The following PARN variants were observed in gnomAD, a reference collection of about 807,000 sequenced individuals.
PARN encodes the protein poly(A)-specific ribonuclease.
PARN carries 71 observed loss-of-function variants against 102.8 expected under a neutral mutation model. The ratio of observed to expected loss-of-function variants is 0.69; its 90% confidence interval spans 0.57 to 0.84. The LOEUF (loss-of-function observed/expected upper bound fraction) is 0.84. Ranked by LOEUF, PARN falls within the 40% of genes least tolerant of loss-of-function variation. The probability of loss-of-function intolerance (pLI) is 0.00; values close to 1 mark genes in which losing one functional copy is unlikely to be tolerated. For missense variants in PARN, 782 were observed against 760.9 expected, an observed-to-expected ratio of 1.03 and a Z score of -0.33; for synonymous variants, 261 against 252.9, an observed-to-expected ratio of 1.03 and a Z score of -0.30.
chr16:14,502,459 A>G (rs1052921885), intron 21 of PARN, among the ~76,000 whole-genome samples: 1 of 152,248 alleles, frequency 6.6e-6, no homozygotes, highest in African/African-American at 2.4e-5. Context: ...TATAACCAGC[A>G]GGAAGCTTGC....
At chr16:14,624,623 A>G (rs1470051570) in intron 5 of PARN, among the ~76,000 whole-genome samples, 1 of 152,242 alleles carries the variant, frequency 6.6e-6, no homozygotes, top group African/African-American at 2.4e-5. Flanking sequence ...GGTTGTTTAG[A>G]ACAGAGTGCC....
chr16:14,602,427 C>T (rs1282401358), intron 11 of PARN, among the ~76,000 whole-genome samples: 1 of 152,150 alleles, frequency 6.6e-6, no homozygotes, highest in African/African-American at 2.4e-5. Flanking sequence ...TCACCCCTCT[C>T]CTGTGCTCAA....
rs943003147 is a variant in PARN at position 14,630,090 on chromosome 16, G to A, written c.19+17C>T. 4.5e-6 allele frequency: 7 copies of A among 1,556,062 alleles called. No homozygotes were observed. In the Admixed American group the frequency reaches 1.3e-4, roughly 30 times the overall value. On this transcript the variant is annotated intron_variant, in intron 1 of 23. Coordinates refer to ENST00000437198, the MANE Select transcript of PARN (RefSeq NM_002582.4). ...GCCGGGTGTGGGGAGGCGGGGAGGT[G>A]TACGGCGGACACGCACTGCTCCTGA... is the stretch of plus-strand genomic sequence containing the variant.
chr16:14,482,814 G>A lies in PARN; in HGVS notation c.1494C>T (p.Ser498=). 1 of 1,609,696 alleles carries A rather than the reference G, an allele frequency of 6.2e-7. No individual in the cohort carries two copies. ...GGATCCGATAGCTTTCTGCATATTT[G>A]CTGGTATTGACAGCTACAAGGAAAA... ...PEQVKIAVNT[S]KYAESYRIQT... is the part of the protein sequence containing the mutation. Residue 498 remains serine, a synonymous_variant, in exon 22 of 24, where the codon AGC becomes AGT. Coordinates refer to ENST00000437198, the MANE Select transcript of PARN (RefSeq NM_002582.4).
chr16:14,494,968 A>G (rs561119456), intron 21 of PARN, among the ~76,000 whole-genome samples: 1 of 152,242 alleles, frequency 6.6e-6, no homozygotes, highest in East Asian at 1.9e-4. Flanking sequence ...ATGGGCAGAG[A>G]GAATACATTT....
intron 22 of PARN, among the ~76,000 whole-genome samples, chr16:14,479,462 T>C (rs1963260286): frequency 6.7e-6 from 1 of 149,006 alleles, no homozygotes; most frequent in Admixed American, 6.7e-5. Context: ...TAACATAAAA[T>C]ATACAAGATC....
At chr16:14,471,996 C>G (rs1382503323) in intron 22 of PARN, among the ~76,000 whole-genome samples, 1 of 152,174 alleles carries the variant, frequency 6.6e-6, no homozygotes, top group East Asian at 1.9e-4. Context: ...TTATGTGATG[C>G]TACTCTCAGG....
intron 21 of PARN, among the ~76,000 whole-genome samples, chr16:14,533,588 C>T (rs1012006875): frequency 3.9e-5 from 6 of 152,172 alleles, no homozygotes; most frequent in Non-Finnish European, 7.3e-5. Flanking sequence ...CACGTGCCCT[C>T]TGTTTCAGTC....
intron 18 of PARN, among the ~76,000 whole-genome samples, chr16:14,568,263 G>A (rs1463745958): frequency 2.0e-5 from 3 of 147,346 alleles, no homozygotes; most frequent in South Asian, 2.2e-4. Context: ...CCCAGGCTGC[G>A]GTGCAGTGGC....
chr16:14,585,885 G>A (rs1203731822), intron 14 of PARN, among the ~76,000 whole-genome samples: 5 of 151,796 alleles, frequency 3.3e-5, no homozygotes, highest in Non-Finnish European at 7.4e-5. Flanking sequence ...CACAACATTG[G>A]AGACATTAAA....
intron 14 of PARN, among the ~76,000 whole-genome samples, chr16:14,585,064 G>C (rs1223462651): frequency 6.6e-6 from 1 of 152,170 alleles, no homozygotes; most frequent in Non-Finnish European, 1.5e-5. Context: ...CACACTTGGA[G>C]TACAAGTTCT....
At chr16:14,494,114 C>T (rs943686791) in intron 21 of PARN, among the ~76,000 whole-genome samples, 2 of 152,190 alleles carry the variant, frequency 1.3e-5, no homozygotes, top group African/African-American at 4.8e-5. Context: ...CTCATACCCA[C>T]ACGTTCTGCA....
intron 16 of PARN, among the ~76,000 whole-genome samples, chr16:14,583,447 G>A (rs1323604905): frequency 1.3e-5 from 2 of 152,048 alleles, no homozygotes; most frequent in Non-Finnish European, 2.9e-5. Flanking sequence ...TTAAAAAAAA[G>A]CCTTTTAACA....
At chr16:14,606,345 C>G (rs990720638) in intron 10 of PARN, 139 bp downstream of exon 10, 1 of 460,398 alleles carries the variant, frequency 2.2e-6, no homozygotes, top group Non-Finnish European at 3.9e-6. Flanking sequence ...CTGCAGTGAG[C>G]CGTGACTAAC....
chr16:14,494,487 G>A (rs1012790351), intron 21 of PARN, among the ~76,000 whole-genome samples: 4 of 152,202 alleles, frequency 2.6e-5, no homozygotes, highest in Admixed American at 6.5e-5. Flanking sequence ...TGAGGGTTGG[G>A]AGAGCAGGTA....
At position 14,521,352 on chromosome 16, in the gene PARN, G is replaced by A. The variant is rs534696829; in HGVS notation, c.1480+30669C>T. 4.6e-5 allele frequency among the ~76,000 whole-genome samples: 7 copies of A among 152,320 alleles called. No homozygotes were observed. The South Asian group carries it at 1.0e-3, about 23-fold the overall frequency. ...AAAGTTCTATGGCCTGCAGGTCCCT[G>A]CGTCACCCCATCCTCCAGCCCGGCA... On this transcript the variant is annotated intron_variant, in intron 21 of 23. Transcript: ENST00000437198.
At chr16:14,489,957 C>G (rs1416821382) in intron 21 of PARN, among the ~76,000 whole-genome samples, 4 of 152,208 alleles carry the variant, frequency 2.6e-5, no homozygotes, top group African/African-American at 9.7e-5. Flanking sequence ...TCACTTGAGT[C>G]CAGCAGTTCA....
intron 21 of PARN, among the ~76,000 whole-genome samples, chr16:14,487,518 T>C (rs1054097618): frequency 2.0e-5 from 3 of 152,234 alleles, no homozygotes; most frequent in Non-Finnish European, 4.4e-5. Flanking sequence ...GATTCCTTCC[T>C]AAATTGACTT....
intron 21 of PARN, among the ~76,000 whole-genome samples, chr16:14,537,739 A>T (rs1008845626): frequency 1.3e-5 from 2 of 152,132 alleles, no homozygotes; most frequent in Non-Finnish European, 2.9e-5. Context: ...TTTGAGCTCA[A>T]GTAGAGAGTA....
Sources: gnomAD v4.1 joint callset for allele counts (sites outside exome capture counted in the v4.1 genomes callset) on GRCh38, gnomAD v4.1.1 for gene constraint, MANE v1.5 for transcripts, NCBI Gene and HGNC (gene_info 2026-07-23, HGNC 2026-07-21) for gene names.